The following KIF13A variants were observed in gnomAD, a reference collection of about 807,000 sequenced individuals.
The protein encoded by KIF13A is kinesin family member 13A.
Under a neutral mutation model 212.2 loss-of-function variants are expected in KIF13A, and 79 were observed. That is an observed-to-expected ratio of 0.37 (90% CI 0.31 to 0.45). KIF13A has a LOEUF of 0.45. Ranked by LOEUF, KIF13A falls within the 20% of genes least tolerant of loss-of-function variation. KIF13A has a pLI of 1.00. For synonymous variants in KIF13A, 789 were observed against 808.6 expected (o/e 0.98, Z 0.41); for missense variants, 1,901 against 2,209.0 (o/e 0.86, Z 2.79).
rs928800190 is a variant in KIF13A at position 17,855,182 on chromosome 6, C to T, written c.494+255G>A. The stretch of plus-strand genomic sequence containing the variant: ...CCTAACTCAATTTTTGTGAATAGTT[C>T]ATGGTGGCAAAAAAAAATACCAATA... On this transcript the variant is annotated intron_variant, in intron 6 of 38. Coordinates refer to ENST00000259711, the MANE Select transcript of KIF13A (RefSeq NM_022113.6). This position sits in a 1 kb window ranked among gnomAD's most constrained non-coding sequence, Gnocchi z 4.1. 4.0e-5 allele frequency among the ~76,000 whole-genome samples: 6 copies of T among 151,700 alleles called. No individual in the cohort carries two copies. The highest frequency in any genetic ancestry group is 1.5e-4 in the African/African-American group (6 of 41,334).
Position 17,764,348 on chromosome 6 carries a change from G to A in KIF13A, c.5180C>T (p.Thr1727Ile), listed in dbSNP as rs199705906. The change falls in exon 39 of 39, where the codon ACC becomes ATC. Residue 1727 changes from threonine (T) to isoleucine (I), a missense_variant. Thr to Ile is a moderately conservative substitution (Grantham distance 89). This residue lies in a region of KIF13A where 687 missense variants were observed against 759.1 expected (regional missense o/e 0.90). Transcript: ENST00000259711. This position sits in a 1 kb window ranked among gnomAD's most constrained non-coding sequence, Gnocchi z 5.1. The part of the protein sequence containing the change: ...CPREVTVEHT[T>I]NILEDHSFTE... ...GAAAGAATGGTCTTCAAGGATGTTG[G>A]TGGTGTGTTCTACCGTCACCTCCCT... is the stretch of plus-strand genomic sequence containing the variant. 4.2e-5 allele frequency: 68 copies of A among 1,613,856 alleles called. No individual in the cohort carries two copies. In the African/African-American group the frequency reaches 8.5e-4, roughly 20 times the overall value.
At chr6:17,867,996 C>A (rs533379569) in intron 4 of KIF13A, among the ~76,000 whole-genome samples, 1 of 152,338 alleles carries the variant, frequency 6.6e-6, no homozygotes, top group South Asian at 2.1e-4. Context: ...TGTCCCCTCA[C>A]AGTATAAAGC....
intron 14 of KIF13A, among the ~76,000 whole-genome samples, chr6:17,827,313 T>G (rs959850318): frequency 1.3e-5 from 2 of 151,968 alleles, no homozygotes; most frequent in Admixed American, 6.6e-5. Flanking sequence ...CTCAGGCTGG[T>G]CTTGAACTCC....
At chr6:17,980,390 A>G (rs993697947) in intron 2 of KIF13A, among the ~76,000 whole-genome samples, 3 of 152,210 alleles carry the variant, frequency 2.0e-5, no homozygotes, top group African/African-American at 7.2e-5. Context: ...ACCAAGAAGA[A>G]GGGAAGGAAA....
chr6:17,952,815 A>G (rs1449824842), intron 2 of KIF13A, among the ~76,000 whole-genome samples: 2 of 152,088 alleles, frequency 1.3e-5, no homozygotes, highest in East Asian at 3.9e-4. Flanking sequence ...CTGTAGCCCC[A>G]GCTACTCAGG....
rs1013440979 is a variant in KIF13A at position 17,926,279 on chromosome 6, T to C, written c.147-28099A>G. ...CAGAGTCTCACTCTGTCACCCAGAC[T>C]GGAATGCAGTGGCACAATCTTGGCT... On this transcript the variant is annotated intron_variant, in intron 2 of 38. Coordinates refer to ENST00000259711, the MANE Select transcript of KIF13A (RefSeq NM_022113.6). The surrounding 1 kb of genome is among the most constrained non-coding windows in gnomAD (Gnocchi z 4.3). Among the ~76,000 whole-genome samples the C allele has an allele frequency of 2.6e-5, 4 of 152,338 alleles. No homozygotes were observed. The highest frequency in any genetic ancestry group is 5.9e-5 in the Non-Finnish European group (4 of 68,030).
At chr6:17,797,273 C>T (rs1335658824) in intron 22 of KIF13A, among the ~76,000 whole-genome samples, 4 of 152,168 alleles carry the variant, frequency 2.6e-5, no homozygotes, top group African/African-American at 7.2e-5. Flanking sequence ...TCGTGATCCA[C>T]CTGCCTCGGC....
intron 4 of KIF13A, among the ~76,000 whole-genome samples, chr6:17,858,800 G>A (rs57982597): frequency 0.014 from 2,052 of 151,976 alleles, 34 homozygotes; most frequent in African/African-American, 0.047. Flanking sequence ...CAGCCCCCAG[G>A]AAGGGAGTGG....
At chr6:17,970,814 T>C (rs1035577362) in intron 2 of KIF13A, among the ~76,000 whole-genome samples, 2 of 152,186 alleles carry the variant, frequency 1.3e-5, no homozygotes, top group African/African-American at 4.8e-5. Flanking sequence ...CCTGAGCAGT[T>C]TGTCTCCAAA....
intron 2 of KIF13A, among the ~76,000 whole-genome samples, chr6:17,936,715 T>C (rs778212799): frequency 1.6e-4 from 24 of 152,268 alleles, no homozygotes; most frequent in Non-Finnish European, 3.4e-4. Context: ...TAAAAGTCAG[T>C]AATGCAACTA....
chr6:17,973,224 C>G (rs1779974814), intron 2 of KIF13A, among the ~76,000 whole-genome samples: 1 of 152,170 alleles, frequency 6.6e-6, no homozygotes, highest in Admixed American at 6.5e-5. Context: ...CCTTTAAGAA[C>G]AGCTTAAAAA....
At chr6:17,923,236 T>C (rs1775231475) in intron 2 of KIF13A, among the ~76,000 whole-genome samples, 1 of 151,826 alleles carries the variant, frequency 6.6e-6, no homozygotes, top group Non-Finnish European at 1.5e-5. Flanking sequence ...ATTGTGCCAC[T>C]GTACCCCAGC....
At position 17,778,898 on chromosome 6, in the gene KIF13A, G is replaced by A. The variant is rs573918407; in HGVS notation, c.4092+49C>T. On this transcript the variant is annotated intron_variant, in intron 33 of 38. Transcript: ENST00000259711. ...AAGTAAATTCATATCTGTCCATTGGGGGTGAAGGCTGGTGCTTTCATCCTC... is the reference window on the plus strand; with the variant it reads ...AAGTAAATTCATATCTGTCCATTGGAGGTGAAGGCTGGTGCTTTCATCCTC... The A allele has an allele frequency of 2.1e-5, 33 of 1,543,958 alleles. No individual in the cohort carries two copies. In the South Asian group the frequency reaches 3.8e-4, roughly 18 times the overall value.
At position 17,825,629 on chromosome 6, in the gene KIF13A, T is replaced by C; in HGVS notation, c.1786+139A>G. The C allele has an allele frequency of 1.4e-6, 1 of 728,364 alleles. No individual in the cohort carries two copies. The highest frequency in any genetic ancestry group is 2.2e-6 in the Non-Finnish European group (1 of 445,578). 45.1% of individuals were successfully genotyped at this position (728,364 alleles called of 1,614,324 possible). A position where few individuals can be genotyped will look rare whatever the true frequency, so the allele number is the denominator to read the frequency against. On this transcript the variant is annotated intron_variant, in intron 16 of 38. Coordinates refer to ENST00000259711, the MANE Select transcript of KIF13A (RefSeq NM_022113.6). The surrounding 1 kb of genome is among the most constrained non-coding windows in gnomAD (Gnocchi z 4.5). ...CATCTTGTCATTAGTTATTCACTGA[T>C]GGCCTTTTAAAGAAATGAGCAGTTT...
At chr6:17,969,603 T>C (rs1348920431) in intron 2 of KIF13A, among the ~76,000 whole-genome samples, 2 of 152,178 alleles carry the variant, frequency 1.3e-5, no homozygotes, top group South Asian at 2.1e-4. Context: ...CCCATACTTA[T>C]GCTGGGGACT....
At chr6:17,965,970 G>A (rs1306263724) in intron 2 of KIF13A, among the ~76,000 whole-genome samples, 1 of 152,182 alleles carries the variant, frequency 6.6e-6, no homozygotes, top group Non-Finnish European at 1.5e-5. Flanking sequence ...GAGGTTAGGA[G>A]TTCACTTGAG....
intron 38 of KIF13A, 127 bp downstream of exon 38, chr6:17,770,987 A>C: frequency 1.6e-6 from 1 of 635,828 alleles, no homozygotes; most frequent in Non-Finnish European, 2.7e-6. Flanking sequence ...CAATGGTCAC[A>C]TTTTTATTTT....
At chr6:17,921,111 C>T (rs1460456753) in intron 2 of KIF13A, among the ~76,000 whole-genome samples, 1 of 152,070 alleles carries the variant, frequency 6.6e-6, no homozygotes, top group Non-Finnish European at 1.5e-5. Context: ...ATTACTGCAG[C>T]AAGACACACT....
At chr6:17,818,043 G>A (rs769230935) in intron 16 of KIF13A, among the ~76,000 whole-genome samples, 1 of 152,168 alleles carries the variant, frequency 6.6e-6, no homozygotes, top group Non-Finnish European at 1.5e-5. Flanking sequence ...TCAAGGCTCT[G>A]GGTCACATGT....
Sources: allele counts gnomAD v4.1 joint callset (sites outside exome capture counted in the v4.1 genomes callset), GRCh38; gene constraint gnomAD v4.1.1; regional missense constraint gnomAD v4.1.1; non-coding constraint Gnocchi (gnomAD v3.1); transcripts MANE v1.5; gene names NCBI Gene and HGNC (gene_info 2026-07-23, HGNC 2026-07-21).